The following HCN1 variants were observed in gnomAD, a reference collection of about 807,000 sequenced individuals.
HCN1 encodes potassium/sodium hyperpolarization-activated cyclic nucleotide-gated channel 1.
HCN1 carries 13 observed loss-of-function variants against 78.9 expected under a neutral mutation model. The observed-to-expected ratio is 0.16, with a 90% confidence interval of 0.11 to 0.26. The LOEUF (loss-of-function observed/expected upper bound fraction) is 0.26, where lower values mean the gene tolerates loss of function less well. Among genes scored for constraint, HCN1 ranks in the 10% least tolerant of loss-of-function variants. The probability of loss-of-function intolerance (pLI) is 1.00; values close to 1 mark genes in which losing one functional copy is unlikely to be tolerated. For synonymous variants in HCN1, 552 were observed against 455.5 expected (o/e 1.21, Z -2.70); for missense variants, 810 against 1,154.3 (o/e 0.70, Z 4.32).
intron 1 of HCN1, among the ~76,000 whole-genome samples, chr5:45,650,382 C>T (rs1745652443): frequency 6.6e-6 from 1 of 151,972 alleles, no homozygotes; most frequent in South Asian, 2.1e-4. Context: ...AGCCTAACGT[C>T]AACAATGATA....
intron 1 of HCN1, among the ~76,000 whole-genome samples, chr5:45,659,990 G>C (rs1745891389): frequency 6.9e-6 from 1 of 144,810 alleles, no homozygotes; most frequent in Admixed American, 7.0e-5. Context: ...GAAACTCCAA[G>C]ACACATAATT....
chr5:45,651,622 G>T (rs1464301439), intron 1 of HCN1, among the ~76,000 whole-genome samples: 1 of 151,828 alleles, frequency 6.6e-6, no homozygotes, highest in Non-Finnish European at 1.5e-5. Flanking sequence ...CTGATGATTT[G>T]GTACATATGT....
chr5:45,560,095 G>A (rs1257371459), intron 2 of HCN1: 2 of 152,054 alleles, frequency 1.3e-5, no homozygotes, highest in South Asian at 2.1e-4. Context: ...ATAGTATAGT[G>A]TACACGTAAC....
chr5:45,311,239 T>G (rs760892942), intron 5 of HCN1, among the ~76,000 whole-genome samples: 49 of 152,112 alleles, frequency 3.2e-4, no homozygotes, highest in Non-Finnish European at 6.5e-4. Flanking sequence ...ACACCAAAAG[T>G]GAGGGAGAAA....
At chr5:45,424,386 A>G (rs940294455) in intron 3 of HCN1, among the ~76,000 whole-genome samples, 8 of 152,128 alleles carry the variant, frequency 5.3e-5, no homozygotes, top group African/African-American at 1.9e-4. Context: ...CAACATATTA[A>G]TTTCCTCTCT....
At chr5:45,533,915 C>T (rs1035582382) in intron 2 of HCN1, among the ~76,000 whole-genome samples, 15 of 152,002 alleles carry the variant, frequency 9.9e-5, no homozygotes, top group African/African-American at 3.4e-4. Flanking sequence ...TCTGTGGGCT[C>T]GAAGCCATCT....
rs1739645519 is a variant in HCN1, at chr5:45,678,770, GTTTCTTT to G, written c.425+16892_425+16898del. Among the ~76,000 whole-genome samples, 3 of 152,014 alleles carry G rather than the reference GTTTCTTT, an allele frequency of 2.0e-5. No individual in the cohort carries two copies. The East Asian group carries it at 5.8e-4, about 29-fold the overall frequency. ...CTTAAGTACAGTCTAAAGAAGTTTTGTTTCTTTTTTACATGTCTTCCTGAATAAGAAC... is the reference window on the plus strand; with the variant it reads ...CTTAAGTACAGTCTAAAGAAGTTTTGTTTACATGTCTTCCTGAATAAGAAC... On this transcript the variant is annotated intron_variant, in intron 1 of 7. Coordinates refer to ENST00000303230, the MANE Select transcript of HCN1 (RefSeq NM_021072.4).
chr5:45,261,717 T>A lies in HCN1; in HGVS notation c.*204A>T, dbSNP rs1417629512. 1 of 502,786 alleles carries A rather than the reference T, an allele frequency of 2.0e-6. No homozygotes were observed. Among genetic ancestry groups the A allele is most frequent in the African/African-American group, 1.9e-5 (1 of 52,356 alleles). 31.1% of individuals were successfully genotyped at this position (502,786 alleles called of 1,614,324 possible). Reference sequence around the variant, plus strand: ...CATATAACACTGAATGCTAAACAGGTCTTTTGACCCTCTCTTGGGAATTTA... The same window carrying A: ...CATATAACACTGAATGCTAAACAGGACTTTTGACCCTCTCTTGGGAATTTA... On this transcript the variant is annotated 3_prime_UTR_variant, in exon 8 of 8. Transcript: ENST00000303230.
chr5:45,555,523 C>T (rs1304860432), intron 2 of HCN1, among the ~76,000 whole-genome samples: 1 of 151,784 alleles, frequency 6.6e-6, no homozygotes, highest in African/African-American at 2.4e-5. Flanking sequence ...TGACATTCTT[C>T]AAAGAGCTAG....
intron 2 of HCN1, among the ~76,000 whole-genome samples, chr5:45,551,916 A>G (rs908770447): frequency 6.6e-6 from 1 of 151,990 alleles, no homozygotes; most frequent in Non-Finnish European, 1.5e-5. Flanking sequence ...ATGGTAATAG[A>G]TTAAGATGCA....
intron 1 of HCN1, among the ~76,000 whole-genome samples, chr5:45,673,760 T>C (rs1041427367): frequency 6.6e-6 from 1 of 151,584 alleles, no homozygotes; most frequent in Admixed American, 6.6e-5. Flanking sequence ...CATTTTAAAA[T>C]AGACCCCTTA....
intron 6 of HCN1, among the ~76,000 whole-genome samples, chr5:45,287,834 A>G (rs1314255131): frequency 6.6e-6 from 1 of 152,092 alleles, no homozygotes; most frequent in East Asian, 1.9e-4. Context: ...GCCCTGAATC[A>G]ATAATGCCCC....
At chr5:45,316,522 C>G (rs915619512) in intron 5 of HCN1, among the ~76,000 whole-genome samples, 12 of 152,126 alleles carry the variant, frequency 7.9e-5, no homozygotes, top group African/African-American at 2.2e-4. Flanking sequence ...GATGCCCTCT[C>G]TCACCACTCC....
chr5:45,609,286 C>T (rs1055229456), intron 2 of HCN1, among the ~76,000 whole-genome samples: 37 of 152,038 alleles, frequency 2.4e-4, no homozygotes, highest in African/African-American at 8.9e-4. Flanking sequence ...GTTTGCACAA[C>T]AACGACAGCA....
chr5:45,438,199 G>A (rs1175389535), intron 3 of HCN1, among the ~76,000 whole-genome samples: 1 of 152,152 alleles, frequency 6.6e-6, no homozygotes, highest in Non-Finnish European at 1.5e-5. Flanking sequence ...AAAGCAACAT[G>A]TTAACACATC....
intron 3 of HCN1, among the ~76,000 whole-genome samples, chr5:45,414,599 A>G (rs1247198390): frequency 6.6e-6 from 1 of 151,904 alleles, no homozygotes; most frequent in Non-Finnish European, 1.5e-5. Flanking sequence ...GAGCTTCTAG[A>G]CAGAAGAACA....
intron 6 of HCN1, among the ~76,000 whole-genome samples, chr5:45,298,197 C>T (rs1262673589): frequency 6.6e-6 from 1 of 151,946 alleles, no homozygotes; most frequent in African/African-American, 2.4e-5. Context: ...ACTGATTTAT[C>T]CATTCATGGA....
chr5:45,557,315 A>C (rs1743490304), intron 2 of HCN1, among the ~76,000 whole-genome samples: 1 of 152,078 alleles, frequency 6.6e-6, no homozygotes, highest in African/African-American at 2.4e-5. Flanking sequence ...AGCCATGTAC[A>C]TTTTTAGTGG....
At chr5:45,638,700 C>G (rs1396176194) in intron 2 of HCN1, among the ~76,000 whole-genome samples, 1 of 152,108 alleles carries the variant, frequency 6.6e-6, no homozygotes, top group Non-Finnish European at 1.5e-5. Flanking sequence ...GTCAGGAGTT[C>G]AAGACCAGCC....
Sources: allele counts gnomAD v4.1 joint callset (sites outside exome capture counted in the v4.1 genomes callset), GRCh38; gene constraint gnomAD v4.1.1; transcripts MANE v1.5; gene names NCBI Gene and HGNC (gene_info 2026-07-23, HGNC 2026-07-21).